The following AK5 variants were observed in gnomAD, a reference collection of about 807,000 sequenced individuals.
The protein encoded by AK5 is adenylate kinase isoenzyme 5.
A neutral mutation model predicts 69.5 loss-of-function variants in AK5; 27 were observed. The observed-to-expected ratio is 0.39, with a 90% CI of 0.29 to 0.54. The LOEUF (loss-of-function observed/expected upper bound fraction) is 0.54, where lower values mean the gene tolerates loss of function less well. AK5 is among the 20% of genes least tolerant of loss of function. The pLI is 0.71. For missense variants in AK5, 531 were observed against 700.4 expected, an observed-to-expected ratio of 0.76 and a Z score of 2.73; for synonymous variants, 260 against 244.4, an observed-to-expected ratio of 1.06 and a Z score of -0.60.
chr1:77,541,695 C>G (rs1659281319), intron 13 of AK5, among the ~76,000 whole-genome samples: 2 of 152,178 alleles, frequency 1.3e-5, no homozygotes, highest in Non-Finnish European at 2.9e-5. Flanking sequence ...AAAAGGCTCA[C>G]AGTGCTCCCT....
intron 6 of AK5, among the ~76,000 whole-genome samples, chr1:77,405,059 A>G (rs1039838711): frequency 6.6e-6 from 1 of 152,196 alleles, no homozygotes; most frequent in Admixed American, 6.5e-5. Flanking sequence ...TATGTGTTTG[A>G]GAGAGGGAGA....
At chr1:77,457,681 T>A (rs945989393) in intron 8 of AK5, among the ~76,000 whole-genome samples, 4 of 152,214 alleles carry the variant, frequency 2.6e-5, no homozygotes, top group Non-Finnish European at 5.9e-5. Flanking sequence ...TATTTTTGTT[T>A]CCTTTGGATT....
At chr1:77,394,920 T>A (rs1648733446) in intron 6 of AK5, among the ~76,000 whole-genome samples, 1 of 152,122 alleles carries the variant, frequency 6.6e-6, no homozygotes, top group Non-Finnish European at 1.5e-5. Flanking sequence ...TAATTGTAAC[T>A]CACATAGCTT....
At chr1:77,382,227 AT>A (rs11306378) in intron 6 of AK5, among the ~76,000 whole-genome samples, 55,464 of 136,804 alleles carry the variant, frequency 0.41, 8,539 homozygotes, top group Non-Finnish European at 0.46. Context: ...TAATCTTTTA[AT>A]TTTTTTTTTT....
chr1:77,354,803 T>C (rs1257540651), intron 6 of AK5, among the ~76,000 whole-genome samples: 1 of 152,174 alleles, frequency 6.6e-6, no homozygotes, highest in East Asian at 1.9e-4. Context: ...AGAGTGTTGC[T>C]TCAAAGAATT....
chr1:77,384,106 G>A (rs543653325), intron 6 of AK5, among the ~76,000 whole-genome samples: 9 of 152,042 alleles, frequency 5.9e-5, no homozygotes, highest in Non-Finnish European at 1.3e-4. Flanking sequence ...AGATGGGCAC[G>A]AACAGACATT....
intron 10 of AK5, among the ~76,000 whole-genome samples, chr1:77,507,255 C>A (rs1401807875): frequency 1.3e-5 from 2 of 152,210 alleles, no homozygotes; most frequent in East Asian, 3.9e-4. Context: ...CAAAGGAGGT[C>A]TGTCTGATTT....
chr1:77,297,577 A>C lies in AK5; in HGVS notation c.434A>C (p.Lys145Thr). 1.2e-6 allele frequency: 2 copies of C among 1,606,740 alleles called. No homozygotes were observed. The highest frequency in any genetic ancestry group is 1.7e-6 in the Non-Finnish European group (2 of 1,177,708). The change falls in exon 4 of 14, where the codon AAG becomes ACG. Residue 145 changes from lysine to threonine, a missense_variant. Coordinates refer to ENST00000354567, the MANE Select transcript of AK5 (RefSeq NM_174858.3). ...ILVIGGPGSGKGTQSLKIAER... is the reference protein window; with the variant it reads ...ILVIGGPGSGTGTQSLKIAER... The stretch of plus-strand genomic sequence containing the variant: ...ATACTAGGTGGTCCAGGAAGTGGAA[A>C]GGGTACTCAGAGTTTGAAAATTGCA...
chr1:77,521,170 G>A (rs573438836), intron 11 of AK5, among the ~76,000 whole-genome samples: 5 of 150,174 alleles, frequency 3.3e-5, no homozygotes, highest in African/African-American at 9.8e-5. Flanking sequence ...AGTCTCGCTC[G>A]TCACCCAGGC....
chr1:77,317,628 T>A (rs1381025044), intron 5 of AK5, among the ~76,000 whole-genome samples: 1 of 152,250 alleles, frequency 6.6e-6, no homozygotes, highest in Non-Finnish European at 1.5e-5. Context: ...TTCTCTTAAC[T>A]ACCTTCCCTG....
intron 10 of AK5, among the ~76,000 whole-genome samples, chr1:77,488,287 G>A (rs913440614): frequency 6.6e-6 from 1 of 151,956 alleles, no homozygotes; most frequent in Non-Finnish European, 1.5e-5. Flanking sequence ...ATCTCTTATT[G>A]AAGAGTAACC....
chr1:77,502,735 G>GC (rs1656794836), intron 10 of AK5, among the ~76,000 whole-genome samples: 1 of 152,206 alleles, frequency 6.6e-6, no homozygotes, highest in Admixed American at 6.5e-5. Context: ...GGCAGCAGCA[G>GC]AGTTTAGCTG....
intron 12 of AK5, among the ~76,000 whole-genome samples, chr1:77,526,765 C>T (rs917463435): frequency 6.6e-6 from 1 of 150,808 alleles, no homozygotes; most frequent in Admixed American, 6.6e-5. Flanking sequence ...TGAGCCACCT[C>T]GCCTGGCCAA....
chr1:77,331,671 AT>A (rs1471744257), intron 5 of AK5, among the ~76,000 whole-genome samples: 5 of 151,514 alleles, frequency 3.3e-5, no homozygotes, highest in African/African-American at 7.3e-5. Flanking sequence ...TCGGCCTAAA[AT>A]TTTTTTTTCT....
At chr1:77,337,050 A>G (rs1661398964) in intron 5 of AK5, among the ~76,000 whole-genome samples, 1 of 152,180 alleles carries the variant, frequency 6.6e-6, no homozygotes, top group African/African-American at 2.4e-5. Flanking sequence ...TTTATTGATC[A>G]AAAATCTTAT....
chr1:77,337,089 A>G (rs1661400487), intron 5 of AK5, among the ~76,000 whole-genome samples: 1 of 152,206 alleles, frequency 6.6e-6, no homozygotes, highest in Admixed American at 6.5e-5. Flanking sequence ...CTGTAAACCT[A>G]AAACTGCTTG....
chr1:77,348,589 A>G (rs1293722198), intron 6 of AK5, among the ~76,000 whole-genome samples: 1 of 152,190 alleles, frequency 6.6e-6, no homozygotes, highest in Non-Finnish European at 1.5e-5. Flanking sequence ...TGCTATTTCT[A>G]TGGGACTGTC....
chr1:77,298,932 G>T (rs752713340), intron 5 of AK5, among the ~76,000 whole-genome samples: 1 of 152,020 alleles, frequency 6.6e-6, no homozygotes, highest in Non-Finnish European at 1.5e-5. Context: ...CTCCCATTCC[G>T]CTGCTCCTCC....
At chr1:77,467,069 A>T (rs1654186513) in intron 8 of AK5, among the ~76,000 whole-genome samples, 5 of 152,266 alleles carry the variant, frequency 3.3e-5, no homozygotes, top group Admixed American at 3.3e-4. Flanking sequence ...GTGAACATGC[A>T]TCAAATTGTA....
Sources: gnomAD v4.1 joint callset for allele counts (sites outside exome capture counted in the v4.1 genomes callset) on GRCh38, gnomAD v4.1.1 for gene constraint, MANE v1.5 for transcripts, NCBI Gene and HGNC (gene_info 2026-07-23, HGNC 2026-07-21) for gene names.